Variants in SGCD observed in about 807,000 individuals in gnomAD.
The protein encoded by SGCD is delta-sarcoglycan.
Under a neutral mutation model 36.6 loss-of-function variants are expected in SGCD, and 18 were observed. The ratio of observed to expected loss-of-function variants is 0.49; its 90% CI spans 0.34 to 0.73. The LOEUF is 0.73. Ranked by LOEUF, SGCD falls within the 30% of genes least tolerant of loss-of-function variation. SGCD has a pLI of 0.01. For missense variants in SGCD, 387 were observed against 346.7 expected, an observed-to-expected ratio of 1.12 and a Z score of -0.92; for synonymous variants, 133 against 130.6, an observed-to-expected ratio of 1.02 and a Z score of -0.12.
intron 7 of SGCD, among the ~76,000 whole-genome samples, chr5:156,728,530 AAAAAAAG>A: frequency 6.7e-6 from 1 of 150,326 alleles, no homozygotes; most frequent in African/African-American, 2.5e-5. Context: ...AAAAAAAAAA[AAAAAAAG>A]GTAGAGTCAC....
At chr5:156,642,675 G>A (rs1301702600) in intron 6 of SGCD, among the ~76,000 whole-genome samples, 1 of 151,616 alleles carries the variant, frequency 6.6e-6, no homozygotes, top group Non-Finnish European at 1.5e-5. Context: ...CATCATGTTG[G>A]CCAGGGTGGT....
chr5:155,776,732 A>G, the SGCD span, among the ~76,000 whole-genome samples: 2 of 151,408 alleles, frequency 1.3e-5, no homozygotes, highest in Admixed American at 6.6e-5. Flanking sequence ...CTGAAAAGCA[A>G]ATTTTCTGAT....
chr5:156,681,308 G>C (rs1753713142), intron 7 of SGCD, among the ~76,000 whole-genome samples: 1 of 152,180 alleles, frequency 6.6e-6, no homozygotes, highest in Admixed American at 6.5e-5. Flanking sequence ...TCTCCATCCA[G>C]GCCCCTCTCT....
chr5:156,604,214 C>G (rs1042371242), intron 6 of SGCD, among the ~76,000 whole-genome samples: 2 of 151,726 alleles, frequency 1.3e-5, no homozygotes, highest in South Asian at 4.2e-4. Flanking sequence ...ATGGCTACTC[C>G]TGCTTGCTTT....
At chr5:155,768,270 T>G in the SGCD span, among the ~76,000 whole-genome samples, 1 of 145,468 alleles carries the variant, frequency 6.9e-6, no homozygotes, top group Non-Finnish European at 1.5e-5. Flanking sequence ...TTTGTTTTTG[T>G]TTTGTTGTTG....
chr5:156,583,767 AAGAC>A, intron 4 of SGCD, among the ~76,000 whole-genome samples: 1 of 152,330 alleles, frequency 6.6e-6, no homozygotes, highest in East Asian at 1.9e-4. Context: ...AATAGACAAT[AAGAC>A]AGCCTACAAG....
At chr5:155,732,500 A>G in the SGCD span, among the ~76,000 whole-genome samples, 7 of 152,320 alleles carry the variant, frequency 4.6e-5, no homozygotes, top group East Asian at 1.4e-3. Context: ...TGAGAAAAAC[A>G]AAAGTAGCTG....
At chr5:156,021,989 A>G (rs1759114465) in intron 1 of SGCD, among the ~76,000 whole-genome samples, 1 of 152,108 alleles carries the variant, frequency 6.6e-6, no homozygotes, top group African/African-American at 2.4e-5. Flanking sequence ...CAATATTTTC[A>G]TCACCCCCAA....
In SGCD at chr5:156,614,408, C is replaced by T. The variant is rs372971367; in HGVS notation, c.502+19357C>T. Among the ~76,000 whole-genome samples the T allele has an allele frequency of 1.8e-4, 27 of 152,284 alleles. No individual in the cohort carries two copies. In the East Asian group the frequency reaches 2.3e-3, roughly 13 times the overall value. On this transcript the variant is annotated intron_variant, in intron 6 of 8. Transcript: ENST00000337851. ...CAGTGGACTCTTTTCCGAAACTCCA[C>T]GGCACATTGTTATCACAATGAGAGG...
At chr5:155,922,379 G>C (rs1053519303) in intron 1 of SGCD, among the ~76,000 whole-genome samples, 1 of 152,098 alleles carries the variant, frequency 6.6e-6, no homozygotes, top group African/African-American at 2.4e-5. Flanking sequence ...CCACCTCCCA[G>C]TTCAGTCCTT....
the SGCD span, among the ~76,000 whole-genome samples, chr5:155,746,765 T>A: frequency 6.6e-6 from 1 of 152,192 alleles, no homozygotes; most frequent in African/African-American, 2.4e-5. Context: ...GAATGCTCAT[T>A]ACTGCCACCC....
chr5:156,603,210 C>T (rs550170491), intron 6 of SGCD, among the ~76,000 whole-genome samples: 24 of 152,042 alleles, frequency 1.6e-4, no homozygotes, highest in African/African-American at 5.1e-4. Flanking sequence ...TCATCTAGAT[C>T]GTCAAGTTTG....
intron 6 of SGCD, among the ~76,000 whole-genome samples, chr5:156,621,201 T>C (rs900851796): frequency 3.9e-5 from 6 of 152,142 alleles, no homozygotes; most frequent in East Asian, 3.9e-4. Context: ...AGATTTTTTT[T>C]CCCCCTTTGA....
chr5:156,363,037 C>A (rs1321359294), intron 3 of SGCD, among the ~76,000 whole-genome samples: 1 of 146,230 alleles, frequency 6.8e-6, no homozygotes, highest in African/African-American at 2.5e-5. Context: ...ATGATTTTAC[C>A]TTTTTTTTTT....
At chr5:156,584,260 G>T (rs1487276694) in intron 4 of SGCD, among the ~76,000 whole-genome samples, 3 of 152,084 alleles carry the variant, frequency 2.0e-5, no homozygotes, top group Non-Finnish European at 4.4e-5. Context: ...CCCCTAACAA[G>T]GTCTTTCCTG....
At chr5:155,895,801 G>T (rs1252341887) in intron 1 of SGCD, among the ~76,000 whole-genome samples, 1 of 152,126 alleles carries the variant, frequency 6.6e-6, no homozygotes, top group Non-Finnish European at 1.5e-5. Context: ...AGCAAAGCAG[G>T]AGCACATTGC....
intron 3 of SGCD, among the ~76,000 whole-genome samples, chr5:156,375,038 A>G (rs1580892714): frequency 6.6e-6 from 1 of 152,296 alleles, no homozygotes; most frequent in African/African-American, 2.4e-5. Flanking sequence ...AAAAAATTGC[A>G]AGAGTAGTAA....
chr5:155,886,654 G>C (rs17052948), intron 1 of SGCD, among the ~76,000 whole-genome samples: 2,248 of 152,312 alleles, frequency 0.015, 25 homozygotes, highest in Middle Eastern at 0.051. Context: ...AGTTGCAAAA[G>C]GATATTCCTG....
intron 3 of SGCD, among the ~76,000 whole-genome samples, chr5:156,387,481 A>G (rs1432842089): frequency 6.6e-6 from 1 of 152,192 alleles, no homozygotes; most frequent in Non-Finnish European, 1.5e-5. Context: ...CAAGTTATGC[A>G]TGGGAGGTTA....
Sources: gnomAD v4.1 joint callset for allele counts (sites outside exome capture counted in the v4.1 genomes callset) on GRCh38, gnomAD v4.1.1 for gene constraint, MANE v1.5 for transcripts, NCBI Gene and HGNC (gene_info 2026-07-23, HGNC 2026-07-21) for gene names.